Variants in SYN3 observed in about 807,000 individuals in gnomAD.
SYN3 encodes synapsin-3.
Under a neutral mutation model 65.8 loss-of-function variants are expected in SYN3, and 35 were observed. That is an observed-to-expected ratio of 0.53 (90% confidence interval 0.41 to 0.70). SYN3 has a LOEUF of 0.70. SYN3 is among the 30% of genes least tolerant of loss of function. The pLI, the probability that SYN3 is intolerant of heterozygous loss-of-function variation, is 0.00. For missense variants in SYN3, 680 were observed against 749.0 expected (o/e 0.91, Z 1.08); for synonymous variants, 270 against 292.9 (o/e 0.92, Z 0.80).
intron 1 of SYN3, among the ~76,000 whole-genome samples, chr22:33,051,279 T>C (rs1412742526): frequency 4.6e-5 from 7 of 152,142 alleles, no homozygotes; most frequent in Admixed American, 3.9e-4. Context: ...TTCTGAAAAA[T>C]TAAAAATAGA....
intron 6 of SYN3, among the ~76,000 whole-genome samples, chr22:32,697,855 A>T (rs1379752506): frequency 6.6e-6 from 1 of 152,110 alleles, no homozygotes; most frequent in Non-Finnish European, 1.5e-5. Context: ...TTGAACAAGC[A>T]CTCACACATT....
chr22:32,562,520 C>T (rs1197659419), intron 7 of SYN3, among the ~76,000 whole-genome samples: 6 of 152,240 alleles, frequency 3.9e-5, no homozygotes, highest in Admixed American at 6.5e-5. Context: ...GAGCTCCTCT[C>T]TCCCTGGTCT....
chr22:32,919,259 G>T (rs921197828), intron 4 of SYN3, among the ~76,000 whole-genome samples: 4 of 152,112 alleles, frequency 2.6e-5, no homozygotes, highest in Non-Finnish European at 5.9e-5. Context: ...ACCTCCTCAG[G>T]AGGCCTTCCC....
At chr22:32,661,318 A>C (rs1350918618) in intron 6 of SYN3, among the ~76,000 whole-genome samples, 1 of 152,212 alleles carries the variant, frequency 6.6e-6, no homozygotes, top group African/African-American at 2.4e-5. Flanking sequence ...ACCACTCCAA[A>C]GGGTCCAATC....
intron 1 of SYN3, among the ~76,000 whole-genome samples, chr22:33,035,751 C>T (rs133976): frequency 0.88 from 133,178 of 152,096 alleles, 58,670 homozygotes; most frequent in African/African-American, 0.97. Flanking sequence ...GATAATTTTT[C>T]ATTTTTTATT....
chr22:32,942,677 C>A (rs137565), intron 3 of SYN3, among the ~76,000 whole-genome samples: 60,959 of 151,894 alleles, frequency 0.4, 12,398 homozygotes, highest in African/African-American at 0.42. Context: ...AAACCCATCG[C>A]AAAGAAGCTA....
chr22:32,527,972 G>C lies in SYN3; in HGVS notation c.1264C>G (p.Gln422Glu), dbSNP rs2058008657. 1.3e-6 allele frequency: 2 copies of C among 1,590,822 alleles called. No individual in the cohort carries two copies. Among genetic ancestry groups the C allele is most frequent in the Non-Finnish European group, 1.7e-6 (2 of 1,167,622 alleles). Residue 422 changes from glutamine to glutamate, a missense_variant, in exon 12 of 14, where the codon CAA becomes GAA. Gln to Glu is a conservative substitution (Grantham distance 29). Coordinates refer to ENST00000358763, the MANE Select transcript of SYN3 (RefSeq NM_003490.4). ...CCTAGCTGAGGCCCCAGCTGGGCTT[G>C]CCCTGGGGATTTCGCTGATTTAATC... Reference protein sequence around the residue: ...PQIKSAKSPGQAQLGPQLGQP... With the variant: ...PQIKSAKSPGEAQLGPQLGQP...
chr22:32,869,330 T>TTCTCTCTCTCTCTCTCTCTCTC lies in SYN3; in HGVS notation c.462-227_462-206dup, dbSNP rs59752570. 3.7e-3 allele frequency among the ~76,000 whole-genome samples: 448 copies of TTCTCTCTCTCTCTCTCTCTCTC among 120,950 alleles called. 9 individuals are homozygous for TTCTCTCTCTCTCTCTCTCTCTC. Among genetic ancestry groups the TTCTCTCTCTCTCTCTCTCTCTC allele is most frequent in the African/African-American group, 0.011 (370 of 34,372 alleles). 79.3% of individuals were successfully genotyped at this position (120,950 alleles called of 152,430 possible). ...CAAAGGGCTGGAAACACTATATATA[T>TTCTCTCTCTCTCTCTCTCTCTC]TCTCTCTCTCTCTCTCTCTCTCTCT... On this transcript the variant is annotated intron_variant, in intron 4 of 13. Transcript: ENST00000358763.
intron 13 of SYN3, among the ~76,000 whole-genome samples, chr22:32,517,837 G>A (rs1183620809): frequency 6.6e-6 from 1 of 152,116 alleles, no homozygotes; most frequent in African/African-American, 2.4e-5. Context: ...TATACACGGA[G>A]GGTCACGGTG....
At chr22:32,669,505 G>C (rs1253842540) in intron 6 of SYN3, among the ~76,000 whole-genome samples, 1 of 152,160 alleles carries the variant, frequency 6.6e-6, no homozygotes, top group East Asian at 1.9e-4. Flanking sequence ...TGCAAATTAG[G>C]CATCAGAGAA....
intron 7 of SYN3, among the ~76,000 whole-genome samples, chr22:32,550,799 C>T (rs2058402924): frequency 1.3e-5 from 2 of 151,842 alleles, no homozygotes; most frequent in South Asian, 4.2e-4. Flanking sequence ...GGGGAAATGA[C>T]TGATTCCAGG....
chr22:32,564,966 AAACAGTGCTCCTGGACTGCAC>A (rs2058647302), intron 7 of SYN3, among the ~76,000 whole-genome samples: 1 of 146,574 alleles, frequency 6.8e-6, no homozygotes, highest in African/African-American at 2.6e-5. Flanking sequence ...GACTGCACCC[AAACAGTGCTCCTGGACTGCAC>A]CCAAACAGTG....
chr22:33,005,517 C>T (rs2053174370), intron 2 of SYN3, among the ~76,000 whole-genome samples: 1 of 152,228 alleles, frequency 6.6e-6, no homozygotes, highest in Non-Finnish European at 1.5e-5. Context: ...CTCAGCTATG[C>T]CTGGCACCGA....
chr22:32,537,465 T>A (rs1009772091), intron 9 of SYN3, among the ~76,000 whole-genome samples: 1 of 152,040 alleles, frequency 6.6e-6, no homozygotes, highest in African/African-American at 2.4e-5. Context: ...GGCCGGCACT[T>A]CCTTAAGTGG....
At chr22:32,685,627 C>T (rs1169465223) in intron 6 of SYN3, among the ~76,000 whole-genome samples, 1 of 152,228 alleles carries the variant, frequency 6.6e-6, no homozygotes, top group African/African-American at 2.4e-5. Context: ...GCTGTATCAT[C>T]TAGCCTAGGT....
At chr22:32,839,926 A>C (rs2047844668) in intron 6 of SYN3, among the ~76,000 whole-genome samples, 2 of 151,888 alleles carry the variant, frequency 1.3e-5, no homozygotes, top group African/African-American at 2.4e-5. Flanking sequence ...AGTTTTTCCC[A>C]GACCGCTCAA....
At chr22:32,798,092 G>A (rs991580880) in intron 6 of SYN3, among the ~76,000 whole-genome samples, 3 of 152,100 alleles carry the variant, frequency 2.0e-5, no homozygotes, top group Non-Finnish European at 2.9e-5. Flanking sequence ...GAATGCATTA[G>A]CTAGTAATTT....
At chr22:32,932,826 G>A (rs1214986578) in intron 3 of SYN3, among the ~76,000 whole-genome samples, 1 of 152,220 alleles carries the variant, frequency 6.6e-6, no homozygotes, top group East Asian at 1.9e-4. Flanking sequence ...CACAGTTTTG[G>A]AGGCTAGAAG....
At chr22:32,778,726 A>C (rs1650755738) in intron 6 of SYN3, among the ~76,000 whole-genome samples, 3 of 152,234 alleles carry the variant, frequency 2.0e-5, no homozygotes, top group Admixed American at 2.0e-4. Context: ...GCGTCACCGA[A>C]GAAAGTGCGT....
Sources: allele counts gnomAD v4.1 joint callset (sites outside exome capture counted in the v4.1 genomes callset), GRCh38; gene constraint gnomAD v4.1.1; transcripts MANE v1.5; gene names NCBI Gene and HGNC (gene_info 2026-07-23, HGNC 2026-07-21).